Variants in PRCC observed in about 807,000 individuals in gnomAD.
PRCC encodes the protein proline rich mitotic checkpoint control factor, also known as proline-rich protein PRCC.
PRCC carries 10 observed loss-of-function variants against 44.0 expected under a neutral mutation model. That is an observed-to-expected ratio of 0.23 (90% CI 0.14 to 0.39). PRCC has a LOEUF of 0.39. Ranked by LOEUF, PRCC falls within the 10% of genes least tolerant of loss-of-function variation. The pLI, the probability that PRCC is intolerant of heterozygous loss-of-function variation, is 1.00. For synonymous variants in PRCC, 278 were observed against 259.5 expected (o/e 1.07, Z -0.69); for missense variants, 573 against 624.7 (o/e 0.92, Z 0.88).
intron 1 of PRCC, among the ~76,000 whole-genome samples, chr1:156,776,015 G>A (rs905657506): frequency 2.6e-5 from 4 of 152,088 alleles, no homozygotes; most frequent in Non-Finnish European, 4.4e-5. Flanking sequence ...GTCATTTATG[G>A]TGTGTCATGA....
chr1:156,780,093 G>A (rs1277410777), intron 1 of PRCC, among the ~76,000 whole-genome samples: 1 of 152,032 alleles, frequency 6.6e-6, no homozygotes, highest in Non-Finnish European at 1.5e-5. Flanking sequence ...GTTTCACTCT[G>A]TCGCCTGTGC....
rs533635182 is a variant in PRCC, at chr1:156,771,379, G to A, written c.468+3140G>A. On this transcript the variant is annotated intron_variant, in intron 1 of 6. Transcript: ENST00000271526. The stretch of plus-strand genomic sequence containing the variant: ...GCAAGAATTCTCTGATCACAGAGTG[G>A]TGAGAACCTTGGAGGGAGCAAGACT... 5.3e-5 allele frequency among the ~76,000 whole-genome samples: 8 copies of A among 152,330 alleles called. No individual in the cohort carries two copies. The East Asian group carries it at 1.4e-3, about 26-fold the overall frequency.
intron 1 of PRCC, among the ~76,000 whole-genome samples, chr1:156,781,959 C>A (rs1361986116): frequency 1.3e-5 from 2 of 152,166 alleles, no homozygotes; most frequent in Non-Finnish European, 2.9e-5. Context: ...CTTTTTCTTT[C>A]CACCAAGGAC....
chr1:156,791,737 C>T lies in PRCC; in HGVS notation c.1124C>T (p.Ala375Val). Residue 375 changes from alanine to valine, a missense_variant, in exon 4 of 7, where the codon GCC becomes GTC. By Grantham distance (64) the Ala-to-Val change is moderately conservative. This residue lies in a region of PRCC where 141 missense variants were observed against 130.2 expected (regional missense o/e 1.08). Transcript: ENST00000271526. The part of the protein sequence containing the change: ...SGGYYPAQDP[A>V]LVPPQEIAPD... ...GGCTACTATCCTGCACAGGACCCGG[C>T]CCTGGTCCCCCCCCAGGAAATTGCC... The T allele has an allele frequency of 6.2e-7, 1 of 1,613,932 alleles. No individual in the cohort carries two copies. The highest frequency in any genetic ancestry group is 8.5e-7 in the Non-Finnish European group (1 of 1,179,966).
At chr1:156,791,898 G>A (rs1429640687) in intron 4 of PRCC, 106 bp downstream of exon 4, 2 of 1,029,088 alleles carry the variant, frequency 1.9e-6, no homozygotes, top group African/African-American at 1.6e-5. Context: ...AGACAAAACT[G>A]TATCAGGATT....
chr1:156,799,488 A>ACCCTTTCCTGGC (rs1652770233), intron 6 of PRCC, among the ~76,000 whole-genome samples: 1 of 152,106 alleles, frequency 6.6e-6, no homozygotes, highest in African/African-American at 2.4e-5. Context: ...CATGAATAAG[A>ACCCTTTCCTGGC]CCCTTTCCTG....
Position 156,786,812 on chromosome 1 carries a change from T to C in PRCC, c.721T>C (p.Ser241Pro). Residue 241 changes from serine to proline, a missense_variant, in exon 3 of 7, where the codon TCG becomes CCG. Physicochemically the swap from Ser to Pro is moderately conservative, Grantham distance 74. Around this residue, in one of 4 missense-constraint regions of PRCC, gnomAD observed 118 missense variants for 166.7 expected, o/e 0.71. Coordinates refer to ENST00000271526, the MANE Select transcript of PRCC (RefSeq NM_005973.5). ...PVVGTTTTTPSPSAIKAAAKS... is the reference protein window; with the variant it reads ...PVVGTTTTTPPPSAIKAAAKS... ...TGTGGGCACCACAACCACCACTCCG[T>C]CGCCCTCTGCTATCAAGGCTGCTGC... The C allele has an allele frequency of 6.2e-7, 1 of 1,614,192 alleles. No homozygotes were observed. The highest frequency in any genetic ancestry group is 1.3e-5 in the African/African-American group (1 of 75,054).
intron 1 of PRCC, among the ~76,000 whole-genome samples, chr1:156,781,468 T>C (rs1476125959): frequency 1.3e-5 from 2 of 152,230 alleles, no homozygotes; most frequent in Non-Finnish European, 1.5e-5. Context: ...TTAAGGTTCA[T>C]GGCTGGGGGA....
At chr1:156,796,741 G>A (rs1652672368) in intron 5 of PRCC, 1 of 152,696 alleles carries the variant, frequency 6.5e-6, no homozygotes, top group Non-Finnish European at 1.5e-5. Context: ...GTGATTGATG[G>A]GAGCGAGCTT....
At chr1:156,774,300 T>A (rs1219573409) in intron 1 of PRCC, among the ~76,000 whole-genome samples, 3 of 148,584 alleles carry the variant, frequency 2.0e-5, no homozygotes, top group African/African-American at 7.4e-5. Flanking sequence ...CTCAGCCTCC[T>A]GAGTAGCTGG....
chr1:156,792,053 CTTTTTTTTTTTTTTTTT>C (rs67388360), intron 4 of PRCC, among the ~76,000 whole-genome samples: 4,826 of 58,734 alleles, frequency 0.082, 371 homozygotes, highest in African/African-American at 0.24. Flanking sequence ...TAGTCCCCTT[CTTTTTTTTTTTTTTTTT>C]TTTTTTTTTT....
chr1:156,787,758 C>A (rs1333021398), intron 3 of PRCC, among the ~76,000 whole-genome samples: 1 of 147,112 alleles, frequency 6.8e-6, no homozygotes, highest in African/African-American at 2.5e-5. Flanking sequence ...TCAAGTGATT[C>A]TCCTGCCTCA....
chr1:156,785,304 G>A (rs910721480), intron 2 of PRCC, among the ~76,000 whole-genome samples: 1 of 152,108 alleles, frequency 6.6e-6, no homozygotes, highest in African/African-American at 2.4e-5. Flanking sequence ...AAGGTCAGGT[G>A]TTGAAGACCA....
At chr1:156,774,054 A>C (rs1651727408) in intron 1 of PRCC, among the ~76,000 whole-genome samples, 1 of 151,500 alleles carries the variant, frequency 6.6e-6, no homozygotes, top group African/African-American at 2.4e-5. Flanking sequence ...AGTCAAATTC[A>C]TAGAGATGGA....
intron 3 of PRCC, chr1:156,790,965 G>A: frequency 1.7e-6 from 1 of 579,114 alleles, no homozygotes; most frequent in Non-Finnish European, 3.1e-6. Flanking sequence ...GGAAGAATTA[G>A]GAAAAAGTAT....
At chr1:156,787,754 G>A (rs1053648759) in intron 3 of PRCC, among the ~76,000 whole-genome samples, 1 of 141,044 alleles carries the variant, frequency 7.1e-6, no homozygotes, top group Non-Finnish European at 1.5e-5. Context: ...GAGTTCAAGT[G>A]ATTCTCCTGC....
chr1:156,781,343 G>A (rs1434971473), intron 1 of PRCC, among the ~76,000 whole-genome samples: 1 of 152,194 alleles, frequency 6.6e-6, no homozygotes, highest in East Asian at 1.9e-4. Context: ...GTATAGAACA[G>A]CAGAGGATTT....
intron 3 of PRCC, chr1:156,791,071 T>C: frequency 1.4e-6 from 2 of 1,403,350 alleles, no homozygotes; most frequent in Non-Finnish European, 1.9e-6. Flanking sequence ...CTCTAGGGTC[T>C]GCAGCAACAT....
At chr1:156,794,332 G>A (rs887022334) in intron 4 of PRCC, among the ~76,000 whole-genome samples, 4 of 152,242 alleles carry the variant, frequency 2.6e-5, no homozygotes, top group Admixed American at 2.0e-4. Context: ...TGATTTGGGG[G>A]TACATGTGCC....
Sources: allele counts gnomAD v4.1 joint callset (sites outside exome capture counted in the v4.1 genomes callset), GRCh38; gene constraint gnomAD v4.1.1; regional missense constraint gnomAD v4.1.1; transcripts MANE v1.5; gene names NCBI Gene and HGNC (gene_info 2026-07-23, HGNC 2026-07-21).